The following TTC28 variants were observed in gnomAD, a reference collection of about 807,000 sequenced individuals.
TTC28 encodes tetratricopeptide repeat domain 28.
TTC28 carries 61 observed loss-of-function variants against 198.0 expected under a neutral mutation model. The observed-to-expected ratio is 0.31, with a 90% CI of 0.25 to 0.38. The LOEUF is 0.38. Ranked by LOEUF, TTC28 falls within the 10% of genes least tolerant of loss-of-function variation. The pLI is 1.00. For missense variants in TTC28, 2,678 were observed against 3,164.0 expected (o/e 0.85, Z 3.69); for synonymous variants, 1,171 against 1,297.8 (o/e 0.90, Z 2.10).
At chr22:28,541,464 T>C (rs886468102) in intron 2 of TTC28, among the ~76,000 whole-genome samples, 4 of 152,116 alleles carry the variant, frequency 2.6e-5, no homozygotes, top group African/African-American at 7.2e-5. Flanking sequence ...TCAACAAGTA[T>C]GCAAATAATT....
At chr22:28,451,538 T>A (rs561869040) in intron 2 of TTC28, among the ~76,000 whole-genome samples, 1 of 152,336 alleles carries the variant, frequency 6.6e-6, no homozygotes, top group African/African-American at 2.4e-5. Flanking sequence ...GAGAACAACA[T>A]ACAGCAGGTC....
intron 6 of TTC28, among the ~76,000 whole-genome samples, chr22:28,158,730 C>G (rs952331599): frequency 2.0e-5 from 3 of 152,146 alleles, no homozygotes; most frequent in African/African-American, 7.2e-5. Flanking sequence ...TGAAACTAGA[C>G]CCCTATCCCT....
intron 2 of TTC28, among the ~76,000 whole-genome samples, chr22:28,513,113 T>C (rs1417355334): frequency 1.3e-5 from 2 of 151,532 alleles, no homozygotes; most frequent in African/African-American, 4.8e-5. Flanking sequence ...CCCAAAGCAC[T>C]TGGATTACAG....
At chr22:28,280,240 T>G (rs746943628) in intron 5 of TTC28, among the ~76,000 whole-genome samples, 2 of 152,176 alleles carry the variant, frequency 1.3e-5, no homozygotes, top group African/African-American at 4.8e-5. Flanking sequence ...CATTGATGTA[T>G]GCTGTAAATC....
intron 2 of TTC28, among the ~76,000 whole-genome samples, chr22:28,440,687 G>A (rs1022975374): frequency 3.9e-5 from 6 of 152,180 alleles, no homozygotes; most frequent in Non-Finnish European, 7.3e-5. Flanking sequence ...TTATGAAACC[G>A]TTTGGTAAAA....
chr22:28,317,800 G>C (rs74911454), intron 2 of TTC28, among the ~76,000 whole-genome samples: 3,234 of 152,228 alleles, frequency 0.021, 33 homozygotes, highest in Non-Finnish European at 0.027. Flanking sequence ...AAAATGCAGA[G>C]AGAGGAAAAA....
chr22:28,447,056 T>C (rs76057150), intron 2 of TTC28, among the ~76,000 whole-genome samples: 1 of 152,134 alleles, frequency 6.6e-6, no homozygotes, highest in African/African-American at 2.4e-5. Context: ...AGCCAGTCAA[T>C]GGCAGCAGAA....
intron 5 of TTC28, among the ~76,000 whole-genome samples, chr22:28,241,804 T>C (rs1406240207): frequency 6.6e-6 from 1 of 152,110 alleles, no homozygotes. Context: ...GTAGTTTGGT[T>C]ATGACAATGT....
At chr22:28,530,841 T>C (rs146227644) in intron 2 of TTC28, among the ~76,000 whole-genome samples, 2,417 of 152,098 alleles carry the variant, frequency 0.016, 85 homozygotes, top group African/African-American at 0.056. Context: ...ATAAAATCCT[T>C]TACAGACAAG....
At chr22:27,998,238 A>T in intron 16 of TTC28, 1 of 474,776 alleles carries the variant, frequency 2.1e-6, no homozygotes. Context: ...TTCTACAGTC[A>T]TGGGTTAAAT....
chr22:28,624,373 G>T (rs1056705931), intron 2 of TTC28, among the ~76,000 whole-genome samples: 1 of 150,506 alleles, frequency 6.6e-6, no homozygotes, highest in African/African-American at 2.4e-5. Flanking sequence ...GCAAGACTCT[G>T]TCTCAAAAAA....
At chr22:27,992,696 G>A in intron 18 of TTC28, 33 bp from the exon 19 acceptor site, 1 of 1,546,352 alleles carries the variant, frequency 6.5e-7, no homozygotes. Context: ...AAGTTATTCA[G>A]AAGGGCCTCT....
chr22:27,979,954 C>T lies in TTC28; in HGVS notation c.*2267G>A, dbSNP rs1313265020. The T allele has an allele frequency of 3.9e-5, 6 of 152,206 alleles. No individual in the cohort carries two copies. The highest frequency in any genetic ancestry group is 8.8e-5 in the Non-Finnish European group (6 of 68,054). 9.4% of individuals were successfully genotyped at this position (152,206 alleles called of 1,614,324 possible). ...ACCTAAAACAACGATGTACATGGGA[C>T]TAAAACCAGGTTAGAGTCCATGAGT... is the stretch of plus-strand genomic sequence containing the variant. On this transcript the variant is annotated 3_prime_UTR_variant, in exon 23 of 23. Transcript: ENST00000397906.
chr22:28,249,830 G>T (rs1351234904), intron 5 of TTC28, among the ~76,000 whole-genome samples: 4 of 152,134 alleles, frequency 2.6e-5, no homozygotes, highest in Non-Finnish European at 4.4e-5. Context: ...CTATTTTATT[G>T]AAAACTCAGT....
rs558279519 is a variant in TTC28 at position 28,504,816 on chromosome 22, G to A, written c.381+124736C>T. 3.8e-3 allele frequency among the ~76,000 whole-genome samples: 576 copies of A among 152,112 alleles called. 1 individual carries two copies. The highest frequency in any genetic ancestry group is 7.9e-3 in the Admixed American group (121 of 15,286). On this transcript the variant is annotated intron_variant, in intron 2 of 22. Transcript: ENST00000397906. ...TTAAAAAAAAATCCAGTGGGAGTGG[G>A]TACAGAGATTTAGCGGTGAAATAAG...
intron 1 of TTC28, among the ~76,000 whole-genome samples, chr22:28,672,219 C>T (rs544670265): frequency 5.3e-5 from 8 of 152,126 alleles, no homozygotes; most frequent in Admixed American, 5.2e-4. Flanking sequence ...ACTCTCTCGC[C>T]CAGGCTGGAG....
At chr22:27,990,132 C>A in intron 20 of TTC28, 125 bp from the exon 21 acceptor site, 1 of 1,276,286 alleles carries the variant, frequency 7.8e-7, no homozygotes, top group Non-Finnish European at 1.0e-6. Flanking sequence ...ATGAGTGTAG[C>A]ATTTGAGATT....
chr22:28,569,941 C>T (rs2050035819), intron 2 of TTC28, among the ~76,000 whole-genome samples: 1 of 152,106 alleles, frequency 6.6e-6, no homozygotes, highest in Non-Finnish European at 1.5e-5. Flanking sequence ...GACCAACAAG[C>T]ATATTAAAAA....
At chr22:28,096,787 T>C (rs539167297) in intron 10 of TTC28, among the ~76,000 whole-genome samples, 2 of 151,830 alleles carry the variant, frequency 1.3e-5, no homozygotes, top group East Asian at 3.9e-4. Context: ...GGTTTATTGG[T>C]GTCACTTGGC....
Sources: gnomAD v4.1 joint callset for allele counts (sites outside exome capture counted in the v4.1 genomes callset) on GRCh38, gnomAD v4.1.1 for gene constraint, MANE v1.5 for transcripts, NCBI Gene and HGNC (gene_info 2026-07-23, HGNC 2026-07-21) for gene names.